Variants in ZNF559 observed in about 807,000 individuals in gnomAD.
ZNF559 encodes the protein zinc finger protein 559, also known as putative protein product of Nbla00121.
In ZNF559, 17 loss-of-function variants were observed where a neutral mutation model predicts 14.2. The ratio of observed to expected loss-of-function variants is 1.20; its 90% CI spans 0.82 to 1.80. ZNF559 has a LOEUF of 1.80. ZNF559 is among the 40% of genes most tolerant of loss of function. ZNF559 has a pLI of 0.00. For missense variants in ZNF559, 740 were observed against 629.7 expected (o/e 1.18, Z -1.88); for synonymous variants, 244 against 212.4 (o/e 1.15, Z -1.29).
rs1447037164 is a variant in ZNF559 at position 9,345,315 on chromosome 19, G to A, written c.*2247G>A. On this transcript the variant is annotated 3_prime_UTR_variant, in exon 7 of 7. Coordinates refer to ENST00000603380, the MANE Select transcript of ZNF559 (RefSeq NM_032497.3). ...ACATGTGCTTCTGTTTCTTTAAATAGTTAAGAGTGGAATGATCAGATCATA... is the reference window on the plus strand; with the variant it reads ...ACATGTGCTTCTGTTTCTTTAAATAATTAAGAGTGGAATGATCAGATCATA... 6.6e-6 allele frequency: 1 copy of A among 152,158 alleles called. No homozygotes were observed. Among genetic ancestry groups the A allele is most frequent in the African/African-American group, 2.4e-5 (1 of 41,436 alleles). The allele number at this position is 152,158 out of a possible 1,614,324, so 9.4% of individuals were successfully genotyped here.
In ZNF559 at chr19:9,342,589, C is replaced by A. The variant is rs559787607; in HGVS notation, c.1138C>A (p.Pro380Thr). The A allele has an allele frequency of 6.2e-7, 1 of 1,613,916 alleles. No individual in the cohort carries two copies. Among genetic ancestry groups the A allele is most frequent in the Non-Finnish European group, 8.5e-7 (1 of 1,180,004 alleles). Reference sequence around the variant, plus strand: ...TATGAGAACTCACACTGGTGAGAAGCCTTATCAATGTAAGGAATGTGGAAA... The same window carrying A: ...TATGAGAACTCACACTGGTGAGAAGACTTATCAATGTAAGGAATGTGGAAA... ...VHMRTHTGEK[P>T]YQCKECGKAF... The change falls in exon 7 of 7, where the codon CCT becomes ACT. Residue 380 changes from proline (P) to threonine (T), a missense_variant. Physicochemically the swap from Pro to Thr is conservative, Grantham distance 38 (BLOSUM62 -1). Transcript: ENST00000603380.
chr19:9,328,304 G>A (rs1322282842), intron 2 of ZNF559, among the ~76,000 whole-genome samples: 2 of 137,612 alleles, frequency 1.5e-5, no homozygotes, highest in Admixed American at 7.2e-5. Context: ...TTTTTTCTCT[G>A]TGTGGTTATG....
In ZNF559 at chr19:9,343,638, T is replaced by G; in HGVS notation, c.*570T>G. Reference sequence around the variant, plus strand: ...AGCACACATTGAGAAGTCCCATGAGTGAAAGAGATGTTGGAAAGCCCTTGA... The same window carrying G: ...AGCACACATTGAGAAGTCCCATGAGGGAAAGAGATGTTGGAAAGCCCTTGA... On this transcript the variant is annotated 3_prime_UTR_variant, in exon 7 of 7. Coordinates refer to ENST00000603380, the MANE Select transcript of ZNF559 (RefSeq NM_032497.3). The G allele has an allele frequency of 1.0e-6, 1 of 988,472 alleles. No homozygotes were observed. Among genetic ancestry groups the G allele is most frequent in the Non-Finnish European group, 1.2e-6 (1 of 831,878 alleles). 61.2% of individuals were successfully genotyped at this position (988,472 alleles called of 1,614,324 possible).
rs144584501 is a variant in ZNF559, at chr19:9,340,022, G to C, written c.160+703G>C. 8.2e-3 allele frequency among the ~76,000 whole-genome samples: 1,142 copies of C among 139,520 alleles called. 10 individuals are homozygous for C. The highest frequency in any genetic ancestry group is 0.029 in the African/African-American group (1,088 of 37,168). The allele number at this position is 139,520 out of a possible 152,430, so 91.5% of individuals were successfully genotyped here. On this transcript the variant is annotated intron_variant, in intron 5 of 6. Transcript: ENST00000603380. ...AGGATGGTCTCGATCTCTTGACCTT[G>C]TGATCCGCCCACCTCGGCCTCCCAA...
rs898191827 is a variant in ZNF559, at chr19:9,344,239, A to C, written c.*1171A>C. 6.6e-6 allele frequency: 1 copy of C among 152,078 alleles called. No homozygotes were observed. Among genetic ancestry groups the C allele is most frequent in the Admixed American group, 6.6e-5 (1 of 15,264 alleles). 9.4% of individuals were successfully genotyped at this position (152,078 alleles called of 1,614,324 possible). A position where few individuals can be genotyped will look rare whatever the true frequency, so the allele number is the denominator to read the frequency against. Reference sequence around the variant, plus strand: ...CTGGATGATATGGTAAGACCATCTCAAAAAAAGAAAAAAAAATTAAAATAT... The same window carrying C: ...CTGGATGATATGGTAAGACCATCTCCAAAAAAGAAAAAAAAATTAAAATAT... On this transcript the variant is annotated 3_prime_UTR_variant, in exon 7 of 7. Transcript: ENST00000603380.
rs2067037576 is a variant in ZNF559 at position 9,333,322 on chromosome 19, C to G, written c.-119-4474C>G. 2.0e-5 allele frequency among the ~76,000 whole-genome samples: 3 copies of G among 152,268 alleles called. No individual in the cohort carries two copies. The South Asian group carries it at 6.2e-4, about 32-fold the overall frequency. On this transcript the variant is annotated intron_variant, in intron 2 of 6. Transcript: ENST00000603380. ...TCCAGGAGGATTTTTAGAAATGGGA[C>G]TTCTAAGTCAAAGGGTAAATACATA...
chr19:9,338,473 A>G (rs8110197), intron 3 of ZNF559, 21 bp from the exon 4 acceptor site: 931,232 of 1,595,418 alleles, frequency 0.58, 275,144 homozygotes, highest in African/African-American at 0.73. Flanking sequence ...GGATTCTCAG[A>G]TTTTATTTCT....
intron 2 of ZNF559, among the ~76,000 whole-genome samples, chr19:9,329,222 C>T: frequency 6.6e-6 from 1 of 151,884 alleles, no homozygotes; most frequent in East Asian, 1.9e-4. Context: ...TTTTTAATTT[C>T]TTTTATATTT....
At chr19:9,340,429 TCTC>T (rs1329940519) in intron 5 of ZNF559, among the ~76,000 whole-genome samples, 2 of 152,040 alleles carry the variant, frequency 1.3e-5, no homozygotes, top group South Asian at 2.1e-4. Flanking sequence ...CTGTCTCACT[TCTC>T]CTTTAAATTT....
At chr19:9,325,357 A>C (rs1782704502) in intron 2 of ZNF559, among the ~76,000 whole-genome samples, 2 of 152,012 alleles carry the variant, frequency 1.3e-5, no homozygotes, top group African/African-American at 4.8e-5. Flanking sequence ...TGCGAGGATC[A>C]CTTGAGCATG....
At chr19:9,341,065 T>A (rs1383813041) in intron 5 of ZNF559, 37 bp from the exon 6 acceptor site, 1 of 1,513,520 alleles carries the variant, frequency 6.6e-7, no homozygotes, top group Non-Finnish European at 9.0e-7. Context: ...AATCATTATT[T>A]CTCTAAGAAC....
At chr19:9,324,817 C>CGG in intron 2 of ZNF559, 37 bp downstream of exon 2, 1 of 1,514,974 alleles carries the variant, frequency 6.6e-7, no homozygotes, top group Non-Finnish European at 8.9e-7. Context: ...CTGTGGGTGT[C>CGG]GGGTCTTGAA....
chr19:9,340,047 A>G (rs918479777), intron 5 of ZNF559, among the ~76,000 whole-genome samples: 6 of 150,440 alleles, frequency 4.0e-5, no homozygotes, highest in Non-Finnish European at 7.4e-5. Flanking sequence ...CGGCCTCCCA[A>G]AGTGCTCGGA....
In ZNF559 at chr19:9,324,248, C is replaced by A; in HGVS notation, c.-206+20C>A. ...TCTGAGGTAAGTTTTTGTTTCTGGG[C>A]GGCGTTCGGTGGTGTCCCGGTGCAG... On this transcript the variant is annotated intron_variant, in intron 1 of 6. Transcript: ENST00000603380. 6.5e-7 allele frequency: 1 copy of A among 1,536,036 alleles called. No homozygotes were observed. The highest frequency in any genetic ancestry group is 8.7e-7 in the Non-Finnish European group (1 of 1,146,880).
chr19:9,332,027 AT>A (rs1258800905), intron 2 of ZNF559, among the ~76,000 whole-genome samples: 1 of 152,158 alleles, frequency 6.6e-6, no homozygotes, highest in Non-Finnish European at 1.5e-5. Context: ...ATCTTTCAAT[AT>A]GGTTTTGTTA....
chr19:9,332,450 G>GC (rs2066989445), intron 2 of ZNF559, among the ~76,000 whole-genome samples: 1 of 152,044 alleles, frequency 6.6e-6, no homozygotes, highest in Non-Finnish European at 1.5e-5. Context: ...ATAGCTGAGG[G>GC]CCCAGAGTAC....
Position 9,345,131 on chromosome 19 carries a change from T to C in ZNF559, c.*2063T>C, listed in dbSNP as rs1175774757. 3 of 152,248 alleles carry C rather than the reference T, an allele frequency of 2.0e-5. No homozygotes were observed. Among genetic ancestry groups the C allele is most frequent in the African/African-American group, 4.8e-5 (2 of 41,472 alleles). 9.4% of individuals were successfully genotyped at this position (152,248 alleles called of 1,614,324 possible). ...TCATATAGTCTGGCATCTTTCAGGA[T>C]AATTTTTTCAGATCCATTTATGTTG... On this transcript the variant is annotated 3_prime_UTR_variant, in exon 7 of 7. Transcript: ENST00000603380.
intron 2 of ZNF559, among the ~76,000 whole-genome samples, chr19:9,336,328 A>T (rs1249268239): frequency 6.6e-6 from 1 of 152,148 alleles, no homozygotes; most frequent in African/African-American, 2.4e-5. Flanking sequence ...ACAGTGGCTC[A>T]TGCTTATAAT....
At chr19:9,329,961 C>G (rs561779734) in intron 2 of ZNF559, among the ~76,000 whole-genome samples, 4 of 152,300 alleles carry the variant, frequency 2.6e-5, no homozygotes, top group Admixed American at 6.5e-5. Context: ...CGTGCCCCAC[C>G]TGTTTGTTTT....
Sources: allele counts gnomAD v4.1 joint callset (sites outside exome capture counted in the v4.1 genomes callset), GRCh38; gene constraint gnomAD v4.1.1; transcripts MANE v1.5; gene names NCBI Gene and HGNC (gene_info 2026-07-23, HGNC 2026-07-21).